Variants in ABCB7 observed in about 807,000 individuals in gnomAD.
ABCB7 encodes ATP binding cassette subfamily B member 7, also known as iron-sulfur clusters transporter ABCB7, mitochondrial.
A neutral mutation model predicts 54.4 loss-of-function variants in ABCB7; 7 were observed. That is an observed-to-expected ratio of 0.13 (90% CI 0.07 to 0.24). The LOEUF is 0.24. ABCB7 is among the 10% of genes least tolerant of loss of function. The pLI is 1.00. For synonymous variants in ABCB7, 218 were observed against 207.1 expected, an observed-to-expected ratio of 1.05 and a Z score of -0.45; for missense variants, 356 against 570.4, an observed-to-expected ratio of 0.62 and a Z score of 3.83.
At chrX:75,130,612 G>A (rs2081967553) in intron 1 of ABCB7, among the ~76,000 whole-genome samples, 1 of 111,728 alleles carries the variant, frequency 9.0e-6, no homozygotes, top group Non-Finnish European at 1.9e-5. Context: ...TGGCTCAGGG[G>A]CTTATCTTGT....
chrX:75,078,192 C>G (rs754572091), intron 4 of ABCB7, among the ~76,000 whole-genome samples: 2 of 110,148 alleles, frequency 1.8e-5, no homozygotes, highest in Non-Finnish European at 3.8e-5. Context: ...GATTACAGGT[C>G]TTGCTTCTTC....
At chrX:75,135,613 C>G (rs2082003955) in intron 1 of ABCB7, among the ~76,000 whole-genome samples, 1 of 111,539 alleles carries the variant, frequency 9.0e-6, no homozygotes, top group Non-Finnish European at 1.9e-5. Flanking sequence ...AGCAGCACAA[C>G]AAAAAGCTAA....
intron 4 of ABCB7, among the ~76,000 whole-genome samples, chrX:75,086,421 T>G (rs1206370859): frequency 9.0e-6 from 1 of 111,595 alleles, no homozygotes; most frequent in Non-Finnish European, 1.9e-5. Context: ...CCTCAAGTTC[T>G]AGATTTAATT....
intron 14 of ABCB7, 52 bp downstream of exon 14, chrX:75,062,276 C>T: frequency 9.3e-7 from 1 of 1,072,809 alleles, no homozygotes; most frequent in East Asian, 3.1e-5. Flanking sequence ...ACTGAAACTT[C>T]CAAGTAGAAA....
chrX:75,079,644 C>CAGAAAGTTA (rs2147476781), intron 4 of ABCB7, among the ~76,000 whole-genome samples: 1 of 112,053 alleles, frequency 8.9e-6, no homozygotes, highest in South Asian at 3.7e-4. Flanking sequence ...TTAACATCGG[C>CAGAAAGTTA]ACATTACCGT....
intron 3 of ABCB7, among the ~76,000 whole-genome samples, chrX:75,104,191 T>C (rs1239029614): frequency 9.5e-6 from 1 of 104,945 alleles, no homozygotes; most frequent in African/African-American, 3.4e-5. Context: ...GTGCTGAAAG[T>C]TTTTATTATG....
chrX:75,069,069 C>G lies in ABCB7; in HGVS notation c.1597G>C (p.Gly533Arg). Reference sequence around the variant, plus strand: ...AGGCTCACATCTTGTATATTTTGACCAGCAAGATAAATGCTACCCTTTTGA... The same window carrying G: ...AGGCTCACATCTTGTATATTTTGACGAGCAAGATAAATGCTACCCTTTTGA... ...EPQKGSIYLAGQNIQDVSLES... is the reference protein window; with the variant it reads ...EPQKGSIYLARQNIQDVSLES... Residue 533 changes from glycine to arginine, a missense_variant, in exon 12 of 16, where the codon GGT (glycine) becomes CGT (arginine). Coordinates refer to ENST00000373394, the MANE Select transcript of ABCB7 (RefSeq NM_001271696.3). The G allele has an allele frequency of 8.3e-7, 1 of 1,208,260 alleles. No homozygotes were observed. Among genetic ancestry groups the G allele is most frequent in the Non-Finnish European group, 1.1e-6 (1 of 892,366 alleles).
chrX:75,088,897 T>C (rs1413303505), intron 4 of ABCB7, among the ~76,000 whole-genome samples: 1 of 96,319 alleles, frequency 1.0e-5, no homozygotes, highest in Non-Finnish European at 2.1e-5. Context: ...TCCCAAAAGG[T>C]ACAGCCTGGC....
chrX:75,104,778 T>C (rs977791284), intron 3 of ABCB7, among the ~76,000 whole-genome samples: 1 of 111,515 alleles, frequency 9.0e-6, no homozygotes, highest in Non-Finnish European at 1.9e-5. Flanking sequence ...ATATCCCTGA[T>C]GAACACAGAT....
intron 4 of ABCB7, among the ~76,000 whole-genome samples, chrX:75,088,477 G>C (rs2081517367): frequency 1.8e-5 from 2 of 111,754 alleles, no homozygotes; most frequent in African/African-American, 6.5e-5. Context: ...AGAATCAAAA[G>C]GTTGTACAAG....
intron 3 of ABCB7, among the ~76,000 whole-genome samples, chrX:75,101,980 T>C (rs1485730195): frequency 8.9e-6 from 1 of 111,746 alleles, no homozygotes; most frequent in African/African-American, 3.2e-5. Context: ...TGATAAACTA[T>C]AAAGTTTGAA....
chrX:75,117,193 C>T (rs1282849031), intron 1 of ABCB7, among the ~76,000 whole-genome samples: 1 of 110,883 alleles, frequency 9.0e-6, no homozygotes, highest in African/African-American at 3.3e-5. Context: ...TGGATCAGGA[C>T]CCCTTTCCAG....
intron 4 of ABCB7, among the ~76,000 whole-genome samples, chrX:75,088,284 A>G (rs185469241): frequency 2.7e-4 from 30 of 112,575 alleles, no homozygotes; most frequent in African/African-American, 9.3e-4. Context: ...AAAAAATTAC[A>G]AGGCATGCCA....
At chrX:75,053,723 G>A in intron 15 of ABCB7, 138 bp from the exon 16 acceptor site, 3 of 985,353 alleles carry the variant, frequency 3.0e-6, no homozygotes, top group South Asian at 2.6e-5. Flanking sequence ...CTCATACACA[G>A]TATAAGTGAA....
chrX:75,107,188 G>A (rs1307224984), intron 3 of ABCB7, among the ~76,000 whole-genome samples: 1 of 111,516 alleles, frequency 9.0e-6, no homozygotes, highest in Non-Finnish European at 1.9e-5. Flanking sequence ...ACCAGCCCTA[G>A]CCAGATGAGA....
intron 9 of ABCB7, 82 bp from the exon 10 acceptor site, chrX:75,070,604 C>T (rs796687614): frequency 4.2e-5 from 40 of 954,745 alleles, no homozygotes; most frequent in South Asian, 4.0e-4. Context: ...TAGTCTATTA[C>T]GACGGAACAA....
At chrX:75,152,433 T>C (rs1340671733) in intron 1 of ABCB7, among the ~76,000 whole-genome samples, 2 of 112,081 alleles carry the variant, frequency 1.8e-5, no homozygotes, top group Admixed American at 9.5e-5. Context: ...TGTCAGCACC[T>C]TGAACTGTGA....
chrX:75,089,348 G>A (rs905226199), intron 4 of ABCB7, among the ~76,000 whole-genome samples: 22 of 111,085 alleles, frequency 2.0e-4, no homozygotes, highest in Non-Finnish European at 5.7e-5. Flanking sequence ...AATAATAACA[G>A]CAACAATGTA....
At chrX:75,073,617 T>C (rs915490572) in intron 8 of ABCB7, 72 bp downstream of exon 8, 3 of 805,047 alleles carry the variant, frequency 3.7e-6, no homozygotes, top group Admixed American at 2.2e-5. Context: ...TTACAGTACC[T>C]ATTAAATTAA....
Sources: gnomAD v4.1 joint callset for allele counts (sites outside exome capture counted in the v4.1 genomes callset) on GRCh38, gnomAD v4.1.1 for gene constraint, MANE v1.5 for transcripts, NCBI Gene and HGNC (gene_info 2026-07-23, HGNC 2026-07-21) for gene names.